TMEM178B: variants seen among roughly 807,000 people sequenced by gnomAD.
TMEM178B encodes the protein transmembrane protein 178B.
A neutral mutation model predicts 31.0 loss-of-function variants in TMEM178B; 5 were observed. The observed-to-expected ratio is 0.16, with a 90% CI of 0.08 to 0.34. The LOEUF (loss-of-function observed/expected upper bound fraction) is 0.34, where lower values mean the gene tolerates loss of function less well. Ranked by LOEUF, TMEM178B falls within the 10% of genes least tolerant of loss-of-function variation. The pLI is 1.00. For synonymous variants in TMEM178B, 164 were observed against 164.0 expected, an observed-to-expected ratio of 1.00 and a Z score of 0.00; for missense variants, 275 against 400.3, an observed-to-expected ratio of 0.69 and a Z score of 2.67.
chr7:141,226,221 G>T (rs1797339360), intron 2 of TMEM178B, among the ~76,000 whole-genome samples: 1 of 146,342 alleles, frequency 6.8e-6, no homozygotes, highest in Non-Finnish European at 1.5e-5. Flanking sequence ...ACACCCTCTT[G>T]GGGGGAGGGT....
chr7:141,103,322 G>A (rs865878041), intron 1 of TMEM178B, among the ~76,000 whole-genome samples: 3 of 152,208 alleles, frequency 2.0e-5, no homozygotes, highest in Non-Finnish European at 2.9e-5. Context: ...TGAGTTGAGA[G>A]TATAAAGCAT....
intron 1 of TMEM178B, among the ~76,000 whole-genome samples, chr7:141,130,386 A>G (rs1395739365): frequency 6.6e-6 from 1 of 152,230 alleles, no homozygotes; most frequent in Non-Finnish European, 1.5e-5. Flanking sequence ...GCAAGATAAG[A>G]AAAATCAGTG....
At chr7:141,510,697 A>AAAAAAAAAAAAAAAAG in the TMEM178B span, among the ~76,000 whole-genome samples, 1 of 144,174 alleles carries the variant, frequency 6.9e-6, no homozygotes, top group Non-Finnish European at 1.5e-5. Flanking sequence ...AAAAAAAAAA[A>AAAAAAAAAAAAAAAAG]AAAAAAAAAA....
At chr7:141,143,928 TC>T (rs1484202339) in intron 1 of TMEM178B, among the ~76,000 whole-genome samples, 1 of 152,244 alleles carries the variant, frequency 6.6e-6, no homozygotes, top group African/African-American at 2.4e-5. Flanking sequence ...TAGAGATCTT[TC>T]ATCTCTTTGG....
intron 1 of TMEM178B, among the ~76,000 whole-genome samples, chr7:141,095,869 G>C (rs752977282): frequency 6.6e-6 from 1 of 152,202 alleles, no homozygotes; most frequent in African/African-American, 2.4e-5. Flanking sequence ...GCTGCCTCAC[G>C]GTGCTGTGTT....
At chr7:141,256,740 C>T (rs1176340946) in intron 2 of TMEM178B, among the ~76,000 whole-genome samples, 11 of 152,032 alleles carry the variant, frequency 7.2e-5, no homozygotes. Context: ...TGTACTTAGC[C>T]TGGTGAGAGA....
Position 141,215,334 on chromosome 7 carries a change from A to ATTTTTTTTT in TMEM178B, c.496+2632_496+2633insTTTTTTTTT, listed in dbSNP as rs779584995. Among the ~76,000 whole-genome samples, 13 of 59,138 alleles carry ATTTTTTTTT rather than the reference A, an allele frequency of 2.2e-4. No homozygotes were observed. The East Asian group carries it at 8.4e-3, about 38-fold the overall frequency. 38.8% of individuals were successfully genotyped at this position (59,138 alleles called of 152,430 possible). A position where few individuals can be genotyped will look rare whatever the true frequency, so the allele number is the denominator to read the frequency against. On this transcript the variant is annotated intron_variant, in intron 2 of 3. Coordinates refer to ENST00000565468, the MANE Select transcript of TMEM178B (RefSeq NM_001195278.2). Reference sequence around the variant, plus strand: ...TATCATCTTTATTATTATTATTATTATTATTTTTTGAGATGGAGTCTCACT... The same window carrying ATTTTTTTTT: ...TATCATCTTTATTATTATTATTATTATTTTTTTTTTTATTTTTTGAGATGGAGTCTCACT...
intron 2 of TMEM178B, among the ~76,000 whole-genome samples, chr7:141,228,591 G>T (rs1432704903): frequency 1.3e-5 from 2 of 152,124 alleles, no homozygotes; most frequent in Admixed American, 1.3e-4. Context: ...CACTGCTGAG[G>T]AGATGGCTGG....
intron 2 of TMEM178B, among the ~76,000 whole-genome samples, chr7:141,243,163 C>CT (rs1336494940): frequency 1.3e-5 from 2 of 151,980 alleles, no homozygotes; most frequent in Admixed American, 6.6e-5. Flanking sequence ...GCTTGATTGC[C>CT]TTTTTTTCGG....
At chr7:141,505,149 C>T in the TMEM178B span, among the ~76,000 whole-genome samples, 9 of 152,308 alleles carry the variant, frequency 5.9e-5, no homozygotes, top group Admixed American at 1.3e-4. Context: ...GAAAAGCATG[C>T]TATTCAACAC....
intron 2 of TMEM178B, among the ~76,000 whole-genome samples, chr7:141,224,734 A>G (rs3886635): frequency 3.3e-5 from 5 of 152,282 alleles, no homozygotes; most frequent in African/African-American, 1.2e-4. Context: ...ATGCCTGTAG[A>G]AGGGCAGGGG....
chr7:141,300,623 C>G (rs1798707138), intron 2 of TMEM178B, among the ~76,000 whole-genome samples: 1 of 152,148 alleles, frequency 6.6e-6, no homozygotes, highest in Non-Finnish European at 1.5e-5. Context: ...CCTCCCATCT[C>G]TCATCATTTG....
At chr7:141,242,084 A>G (rs544129782) in intron 2 of TMEM178B, among the ~76,000 whole-genome samples, 6 of 152,342 alleles carry the variant, frequency 3.9e-5, no homozygotes, top group African/African-American at 1.2e-4. Flanking sequence ...GCTTTTTAAT[A>G]ACTGAATTGA....
the TMEM178B span, among the ~76,000 whole-genome samples, chr7:141,488,601 A>G: frequency 1.3e-5 from 2 of 151,992 alleles, no homozygotes; most frequent in African/African-American, 4.8e-5. Context: ...CACCATGGCC[A>G]GCTAATTGTT....
intron 2 of TMEM178B, chr7:141,352,185 G>A: frequency 6.6e-6 from 1 of 152,506 alleles, no homozygotes; most frequent in East Asian, 1.9e-4. Context: ...TTGAATGCAA[G>A]GAGGATGTTT....
intron 1 of TMEM178B, among the ~76,000 whole-genome samples, chr7:141,188,996 C>G (rs909664122): frequency 1.3e-5 from 2 of 152,160 alleles, no homozygotes; most frequent in African/African-American, 4.8e-5. Context: ...GGAATCAGGC[C>G]CAAACCGAGG....
At chr7:141,269,669 G>C (rs895697907) in intron 2 of TMEM178B, among the ~76,000 whole-genome samples, 1 of 152,132 alleles carries the variant, frequency 6.6e-6, no homozygotes, top group Admixed American at 6.5e-5. Flanking sequence ...GAAATGCAGT[G>C]ACTGGCTAGA....
intron 1 of TMEM178B, among the ~76,000 whole-genome samples, chr7:141,168,179 C>A (rs1315367664): frequency 6.6e-6 from 1 of 152,182 alleles, no homozygotes; most frequent in East Asian, 1.9e-4. Context: ...ACCTACCTAG[C>A]TGGGTTGTCT....
At chr7:141,166,582 G>T (rs1245048455) in intron 1 of TMEM178B, among the ~76,000 whole-genome samples, 1 of 152,180 alleles carries the variant, frequency 6.6e-6, no homozygotes, top group Non-Finnish European at 1.5e-5. Flanking sequence ...GACAAGAGGG[G>T]ATAGGAAGAA....
Sources: gnomAD v4.1 joint callset for allele counts (sites outside exome capture counted in the v4.1 genomes callset) on GRCh38, gnomAD v4.1.1 for gene constraint, MANE v1.5 for transcripts, NCBI Gene and HGNC (gene_info 2026-07-23, HGNC 2026-07-21) for gene names.